The following CACNA1G variants were observed in gnomAD, a reference collection of about 807,000 sequenced individuals.
CACNA1G encodes the protein voltage-dependent T-type calcium channel subunit alpha-1G.
Under a neutral mutation model 219.4 loss-of-function variants are expected in CACNA1G, and 67 were observed. That is an observed-to-expected ratio of 0.31 (90% CI 0.25 to 0.37). The LOEUF (loss-of-function observed/expected upper bound fraction) is 0.37. CACNA1G is among the 10% of genes least tolerant of loss of function. CACNA1G has a pLI of 1.00. For missense variants in CACNA1G, 2,380 were observed against 3,231.4 expected, an observed-to-expected ratio of 0.74 and a Z score of 6.39; for synonymous variants, 1,296 against 1,345.3, an observed-to-expected ratio of 0.96 and a Z score of 0.80.
intron 26 of CACNA1G, among the ~76,000 whole-genome samples, chr17:50,610,221 C>A (rs756119266): frequency 2.0e-5 from 3 of 152,248 alleles, no homozygotes; most frequent in Admixed American, 6.5e-5. Context: ...CCTCTTCCCT[C>A]CTGTGCCTCC....
At chr17:50,589,326 C>T (rs2043670400) in intron 9 of CACNA1G, among the ~76,000 whole-genome samples, 1 of 152,188 alleles carries the variant, frequency 6.6e-6, no homozygotes, top group Non-Finnish European at 1.5e-5. Context: ...TCTCTCCCAA[C>T]TAAGCCTTTC....
chr17:50,605,420 C>T (rs1472469991), intron 22 of CACNA1G, among the ~76,000 whole-genome samples: 2 of 152,208 alleles, frequency 1.3e-5, no homozygotes, highest in Non-Finnish European at 2.9e-5. Context: ...CCCACTCCCC[C>T]ACCCAGAGCT....
intron 26 of CACNA1G, among the ~76,000 whole-genome samples, chr17:50,614,532 C>A (rs2050006877): frequency 6.6e-6 from 1 of 152,252 alleles, no homozygotes; most frequent in East Asian, 1.9e-4. Context: ...GCCTCCTTGG[C>A]AGCCCAACCT....
At position 50,593,966 on chromosome 17, in the gene CACNA1G, C is replaced by T. The variant is rs549526022; in HGVS notation, c.2911-1027C>T. On this transcript the variant is annotated intron_variant, in intron 13 of 37. Transcript: ENST00000359106. ...TCTCCTGGGTAAGGTTTCAGGGGGCCCCACGGTCTGGCAGGGGAGTCTGGT... is the reference window on the plus strand; with the variant it reads ...TCTCCTGGGTAAGGTTTCAGGGGGCTCCACGGTCTGGCAGGGGAGTCTGGT... Among the ~76,000 whole-genome samples, 104 of 152,288 alleles carry T rather than the reference C, an allele frequency of 6.8e-4. 1 individual carries two copies. In the Middle Eastern group the frequency reaches 0.017, roughly 25 times the overall value.
At chr17:50,588,607 C>A (rs2043497083) in intron 9 of CACNA1G, among the ~76,000 whole-genome samples, 1 of 152,220 alleles carries the variant, frequency 6.6e-6, no homozygotes, top group South Asian at 2.1e-4. Flanking sequence ...CCCTGTGTGA[C>A]CGGGCTAACC....
intron 35 of CACNA1G, among the ~76,000 whole-genome samples, chr17:50,623,648 G>C (rs1376873474): frequency 6.6e-6 from 1 of 151,998 alleles, no homozygotes; most frequent in Non-Finnish European, 1.5e-5. Context: ...AGTTTTGCAG[G>C]GGGTGGGGGG....
chr17:50,610,702 C>T (rs2049014726), intron 26 of CACNA1G, among the ~76,000 whole-genome samples: 1 of 152,122 alleles, frequency 6.6e-6, no homozygotes, highest in South Asian at 2.1e-4. Flanking sequence ...TGTTCATCCC[C>T]AAGGCCCCCA....
At chr17:50,612,847 G>T (rs2146126771) in intron 26 of CACNA1G, among the ~76,000 whole-genome samples, 2 of 152,352 alleles carry the variant, frequency 1.3e-5, no homozygotes, top group Middle Eastern at 6.8e-3. Context: ...AGGCAGGGAG[G>T]TGGTGCCACA....
rs189991256 is a variant in CACNA1G at position 50,616,459 on chromosome 17, G to C, written c.5021+75G>C. 1.4e-5 allele frequency: 13 copies of C among 904,286 alleles called. No individual in the cohort carries two copies. In the African/African-American group the frequency reaches 1.8e-4, roughly 13 times the overall value. 56.0% of individuals were successfully genotyped at this position (904,286 alleles called of 1,614,324 possible). A position where few individuals can be genotyped will look rare whatever the true frequency, so the allele number is the denominator to read the frequency against. Reference sequence around the variant, plus strand: ...ATGAGTCTCTTGGGGAAATACCCAGGAAGACCTAGTGTCTAAGACTTTTCT... The same window carrying C: ...ATGAGTCTCTTGGGGAAATACCCAGCAAGACCTAGTGTCTAAGACTTTTCT... On this transcript the variant is annotated intron_variant, in intron 28 of 37. Transcript: ENST00000359106.
rs1368116523 is a variant in CACNA1G, at chr17:50,569,154, C to T, written c.355-11C>T. On this transcript the variant is annotated splice_polypyrimidine_tract_variant and intron_variant, in intron 2 of 37. Coordinates refer to ENST00000359106, the MANE Select transcript of CACNA1G (RefSeq NM_018896.5). ...CGTCTCAGTTTCAGCCACCTCTTGTCCCCACATCAGGCCTTTGATGACTTC... is the reference window on the plus strand; with the variant it reads ...CGTCTCAGTTTCAGCCACCTCTTGTTCCCACATCAGGCCTTTGATGACTTC... The T allele has an allele frequency of 6.2e-7, 1 of 1,612,696 alleles. No individual in the cohort carries two copies. The highest frequency in any genetic ancestry group is 8.5e-7 in the Non-Finnish European group (1 of 1,179,106).
intron 7 of CACNA1G, among the ~76,000 whole-genome samples, chr17:50,574,025 T>A (rs1320270070): frequency 6.6e-6 from 1 of 152,190 alleles, no homozygotes; most frequent in Non-Finnish European, 1.5e-5. Context: ...GAGTGGGGCA[T>A]CACTGCTGAC....
intron 19 of CACNA1G, among the ~76,000 whole-genome samples, chr17:50,602,556 C>A (rs930788405): frequency 6.6e-6 from 1 of 152,226 alleles, no homozygotes; most frequent in Non-Finnish European, 1.5e-5. Flanking sequence ...CAGATCCTCT[C>A]CCCCTTGGGC....
rs1219313342 is a variant in CACNA1G, at chr17:50,561,182, T to C, written c.-278T>C. ...GCGAAGCGAAGAAGCCGGAACAAAG[T>C]GAGGGGGAGCCGGCCGGCTGGCCCG... On this transcript the variant is annotated 5_prime_UTR_variant, in exon 1 of 38. Transcript: ENST00000359106. 1 of 545,400 alleles carries C rather than the reference T, an allele frequency of 1.8e-6. No homozygotes were observed. The highest frequency in any genetic ancestry group is 3.4e-6 in the Non-Finnish European group (1 of 296,930). 33.8% of individuals were successfully genotyped at this position (545,400 alleles called of 1,614,324 possible).
chr17:50,575,806 A>C lies in CACNA1G; in HGVS notation c.1404A>C (p.Pro468=). 2 of 1,551,946 alleles carry C rather than the reference A, an allele frequency of 1.3e-6. No individual in the cohort carries two copies. The highest frequency in any genetic ancestry group is 1.7e-6 in the Non-Finnish European group (2 of 1,147,890). ...TGCGGGTTGGGCTGCTCAGCAGCCC[A>C]GCACCCCTCGGGGGCCAGGAGACCC... ...AGVRVGLLSS[P]APLGGQETQP... The change falls in exon 8 of 38, where the codon CCA becomes CCC. Residue 468 remains proline (P), a synonymous_variant. Transcript: ENST00000359106.
rs2051882949 is a variant in CACNA1G, at chr17:50,621,217, C to T, written c.5926-443C>T. Among the ~76,000 whole-genome samples the T allele has an allele frequency of 6.6e-6, 1 of 151,776 alleles. No individual in the cohort carries two copies. The highest frequency in any genetic ancestry group is 1.5e-5 in the Non-Finnish European group (1 of 68,020). ...ATTGTCGCCGGCGCCCCCCGTGCCGCTCTGTCTGTGCCGGGAGGAGAGACA... is the reference window on the plus strand; with the variant it reads ...ATTGTCGCCGGCGCCCCCCGTGCCGTTCTGTCTGTGCCGGGAGGAGAGACA... On this transcript the variant is annotated intron_variant, in intron 34 of 37. Coordinates refer to ENST00000359106, the MANE Select transcript of CACNA1G (RefSeq NM_018896.5). The surrounding 1 kb of genome is among the most constrained non-coding windows in gnomAD (Gnocchi z 4.6).
rs376083760 is a variant in CACNA1G, at chr17:50,591,462, G to A, written c.2481G>A (p.Gly827=). 6 of 1,591,622 alleles carry A rather than the reference G, an allele frequency of 3.8e-6. No homozygotes were observed. The highest frequency in any genetic ancestry group is 4.3e-6 in the Non-Finnish European group (5 of 1,170,022). ...ISVWEIVGQQ[G]GGLSVLRTFR... is the part of the protein sequence containing the mutation. ...TGTGGGAGATCGTGGGCCAGCAGGG[G>A]GGCGGCCTGTCGGTGCTGCGGACCT... Residue 827 remains glycine, a synonymous_variant, in exon 11 of 38, where the codon GGG becomes GGA. Coordinates refer to ENST00000359106, the MANE Select transcript of CACNA1G (RefSeq NM_018896.5).
At chr17:50,579,685 C>T (rs559917247) in intron 9 of CACNA1G, among the ~76,000 whole-genome samples, 3 of 152,290 alleles carry the variant, frequency 2.0e-5, no homozygotes, top group African/African-American at 7.2e-5. Context: ...CATCAGAACC[C>T]AACCTTCCCT....
At chr17:50,606,293 C>G (rs1421682007) in intron 23 of CACNA1G, 2 of 697,472 alleles carry the variant, frequency 2.9e-6, no homozygotes, top group East Asian at 5.4e-5. Context: ...GGCCACAGAG[C>G]TACATGGTGG....
At position 50,600,203 on chromosome 17, in the gene CACNA1G, A is replaced by C. The variant is rs1265052082; in HGVS notation, c.3690+344A>C. Among the ~76,000 whole-genome samples, 2 of 152,052 alleles carry C rather than the reference A, an allele frequency of 1.3e-5. No homozygotes were observed. Among genetic ancestry groups the C allele is most frequent in the African/African-American group, 4.8e-5 (2 of 41,390 alleles). On this transcript the variant is annotated intron_variant, in intron 17 of 37. Coordinates refer to ENST00000359106, the MANE Select transcript of CACNA1G (RefSeq NM_018896.5). This position sits in a 1 kb window ranked among gnomAD's most constrained non-coding sequence, Gnocchi z 4.1. Reference sequence around the variant, plus strand: ...GCCCCGCATCCCCCTTTCTCGTCTCAACCTCATCACAAGCCATGACTTCCC... The same window carrying C: ...GCCCCGCATCCCCCTTTCTCGTCTCCACCTCATCACAAGCCATGACTTCCC...
Sources: allele counts gnomAD v4.1 joint callset (sites outside exome capture counted in the v4.1 genomes callset), GRCh38; gene constraint gnomAD v4.1.1; non-coding constraint Gnocchi (gnomAD v3.1); transcripts MANE v1.5; gene names NCBI Gene and HGNC (gene_info 2026-07-23, HGNC 2026-07-21).